Variants in PPIP5K2 observed in about 807,000 individuals in gnomAD.
PPIP5K2 encodes inositol hexakisphosphate and diphosphoinositol-pentakisphosphate kinase 2.
Under a neutral mutation model 154.6 loss-of-function variants are expected in PPIP5K2, and 105 were observed. That is an observed-to-expected ratio of 0.68 (90% CI 0.58 to 0.80). The LOEUF is 0.80. PPIP5K2 is among the 30% of genes least tolerant of loss of function. The pLI, the probability that PPIP5K2 is intolerant of heterozygous loss-of-function variation, is 0.00. For synonymous variants in PPIP5K2, 480 were observed against 490.3 expected (o/e 0.98, Z 0.28); for missense variants, 992 against 1,504.6 (o/e 0.66, Z 5.64).
At chr5:103,193,632 AG>A (rs1294164386) in intron 29 of PPIP5K2, among the ~76,000 whole-genome samples, 14 of 152,168 alleles carry the variant, frequency 9.2e-5, no homozygotes, top group Non-Finnish European at 8.8e-5. Flanking sequence ...TGATGTTTTA[AG>A]GACTTTTTAT....
At position 103,163,086 on chromosome 5, in the gene PPIP5K2, GTTTTT is replaced by G. The variant is rs35922283; in HGVS notation, c.1920+3775_1920+3779del. Reference sequence around the variant, plus strand: ...ACCCCAAATGGATCCTTCTTCAAGTGTTTTTTTTTTTTTTTTTTTTTGCATTTTCA... The same window carrying G: ...ACCCCAAATGGATCCTTCTTCAAGTGTTTTTTTTTTTTTTTTGCATTTTCA... On this transcript the variant is annotated intron_variant, in intron 17 of 30. Transcript: ENST00000358359. Among the ~76,000 whole-genome samples, 5 of 59,872 alleles carry G rather than the reference GTTTTT, an allele frequency of 8.4e-5. No individual in the cohort carries two copies. The Admixed American group carries it at 9.6e-4, about 11-fold the overall frequency. The allele number at this position is 59,872 out of a possible 152,430, so 39.3% of individuals were successfully genotyped here.
At chr5:103,155,285 C>T (rs1309029046) in intron 13 of PPIP5K2, among the ~76,000 whole-genome samples, 1 of 151,412 alleles carries the variant, frequency 6.6e-6, no homozygotes, top group African/African-American at 2.4e-5. Context: ...AAATGGATAC[C>T]CACCAATATT....
chr5:103,136,511 A>G (rs546366550), intron 3 of PPIP5K2, among the ~76,000 whole-genome samples: 34 of 152,290 alleles, frequency 2.2e-4, no homozygotes, highest in African/African-American at 7.7e-4. Context: ...AAATTTGGTT[A>G]TATAACCACT....
intron 30 of PPIP5K2, among the ~76,000 whole-genome samples, chr5:103,198,274 G>A (rs1554229209): frequency 6.6e-6 from 1 of 151,708 alleles, no homozygotes; most frequent in Non-Finnish European, 1.5e-5. Context: ...TTTAAATGTG[G>A]GACTTATGGC....
intron 2 of PPIP5K2, 64 bp from the exon 3 acceptor site, chr5:103,133,389 A>G (rs1315672886): frequency 7.3e-7 from 1 of 1,363,566 alleles, no homozygotes; most frequent in Non-Finnish European, 1.0e-6. Context: ...AAAACAAATG[A>G]AGATAGCTGT....
intron 3 of PPIP5K2, among the ~76,000 whole-genome samples, chr5:103,136,282 T>C (rs186856470): frequency 2.8e-4 from 43 of 152,320 alleles, no homozygotes; most frequent in African/African-American, 9.9e-4. Flanking sequence ...CCACTGTTTT[T>C]AAAGGCACAT....
intron 28 of PPIP5K2, chr5:103,189,137 C>T (rs1554226076): frequency 1.3e-6 from 2 of 1,484,026 alleles, no homozygotes; most frequent in Non-Finnish European, 1.8e-6. Flanking sequence ...TCTGACAGTG[C>T]TTTACCTTAT....
At chr5:103,172,495 C>G (rs1236100896) in intron 19 of PPIP5K2, among the ~76,000 whole-genome samples, 2 of 151,266 alleles carry the variant, frequency 1.3e-5, no homozygotes, top group East Asian at 1.9e-4. Context: ...CTTTCCCACT[C>G]TACCCCCACT....
intron 19 of PPIP5K2, among the ~76,000 whole-genome samples, chr5:103,170,177 T>G (rs1797761131): frequency 6.6e-6 from 1 of 151,656 alleles, no homozygotes; most frequent in Admixed American, 6.6e-5. Flanking sequence ...TTCAGGTGTA[T>G]TGTTTATATA....
chr5:103,121,730 G>A (rs1275734855), intron 1 of PPIP5K2, among the ~76,000 whole-genome samples: 12 of 152,314 alleles, frequency 7.9e-5, no homozygotes, highest in East Asian at 5.8e-4. Flanking sequence ...TGACTAAACT[G>A]ATTTGCAGAA....
chr5:103,174,103 G>A, intron 21 of PPIP5K2, 131 bp downstream of exon 21: 1 of 682,058 alleles, frequency 1.5e-6, no homozygotes, highest in Non-Finnish European at 2.4e-6. Context: ...TCTTTCAAGG[G>A]ACTACTATAT....
intron 14 of PPIP5K2, among the ~76,000 whole-genome samples, chr5:103,157,927 G>T (rs1323677058): frequency 6.6e-6 from 1 of 152,080 alleles, no homozygotes; most frequent in Non-Finnish European, 1.5e-5. Context: ...GAAGAAAATT[G>T]GGAGCCATTT....
chr5:103,133,593 T>C lies in PPIP5K2; in HGVS notation c.255T>C (p.Asn85=). 4 of 1,612,556 alleles carry C rather than the reference T, an allele frequency of 2.5e-6. No individual in the cohort carries two copies. Among genetic ancestry groups the C allele is most frequent in the Non-Finnish European group, 2.5e-6 (3 of 1,179,404 alleles). The part of the protein sequence containing the change: ...VVVFEEEVIL[N]EPVENWPLCD... ...TATTTGAAGAGGAGGTTATTTTGAA[T>C]GAACCAGTGGAAAACTGGCCTTTAT... The change falls in exon 3 of 31, where the codon AAT becomes AAC. Residue 85 remains asparagine (N), a synonymous_variant. Transcript: ENST00000358359.
At chr5:103,174,059 G>A in intron 21 of PPIP5K2, 87 bp downstream of exon 21, 1 of 1,035,392 alleles carries the variant, frequency 9.7e-7, no homozygotes, top group South Asian at 1.6e-5. Flanking sequence ...TGAAATTTTA[G>A]TAATTCATCC....
At chr5:103,194,519 C>A (rs974767498) in intron 29 of PPIP5K2, among the ~76,000 whole-genome samples, 2 of 152,130 alleles carry the variant, frequency 1.3e-5, no homozygotes, top group Non-Finnish European at 2.9e-5. Flanking sequence ...GTAATTCCAG[C>A]ATGAAACACC....
chr5:103,141,055 C>A (rs1476709575), intron 5 of PPIP5K2, among the ~76,000 whole-genome samples: 1 of 151,912 alleles, frequency 6.6e-6, no homozygotes, highest in Non-Finnish European at 1.5e-5. Context: ...TCATCTGGGC[C>A]GGGTGCAGTG....
intron 4 of PPIP5K2, among the ~76,000 whole-genome samples, chr5:103,138,056 T>C (rs1326948409): frequency 1.3e-5 from 2 of 152,194 alleles, no homozygotes; most frequent in Non-Finnish European, 2.9e-5. Context: ...AGGCTTTTAA[T>C]GCTTAGGTAA....
intron 29 of PPIP5K2, 80 bp downstream of exon 29, chr5:103,191,062 A>G: frequency 7.3e-7 from 1 of 1,369,256 alleles, no homozygotes; most frequent in Non-Finnish European, 1.0e-6. Context: ...AATTATAACA[A>G]CATAAAAGCA....
chr5:103,139,736 G>C (rs1452806728), intron 5 of PPIP5K2, among the ~76,000 whole-genome samples: 7 of 152,188 alleles, frequency 4.6e-5, no homozygotes, highest in African/African-American at 1.4e-4. Flanking sequence ...CTTTCAGACA[G>C]AGAATTCAAA....
Sources: allele counts gnomAD v4.1 joint callset (sites outside exome capture counted in the v4.1 genomes callset), GRCh38; gene constraint gnomAD v4.1.1; transcripts MANE v1.5; gene names NCBI Gene and HGNC (gene_info 2026-07-23, HGNC 2026-07-21).